The following CDH20 variants were observed in gnomAD, a reference collection of about 807,000 sequenced individuals.
The protein encoded by CDH20 is cadherin-20.
In CDH20, 29 loss-of-function variants were observed where a neutral mutation model predicts 74.2. The observed-to-expected ratio is 0.39, with a 90% CI of 0.29 to 0.53. The LOEUF (loss-of-function observed/expected upper bound fraction) is 0.53. Ranked by LOEUF, CDH20 falls within the 20% of genes least tolerant of loss-of-function variation. CDH20 has a pLI of 0.69. For missense variants in CDH20, 988 were observed against 1,048.3 expected (o/e 0.94, Z 0.79); for synonymous variants, 469 against 405.4 (o/e 1.16, Z -1.88).
At position 61,518,647 on chromosome 18, in the gene CDH20, T is replaced by G. The variant is rs572005794; in HGVS notation, c.1018-9320T>G. Among the ~76,000 whole-genome samples, 56 of 151,016 alleles carry G rather than the reference T, an allele frequency of 3.7e-4. 1 individual carries two copies. The highest frequency in any genetic ancestry group is 6.9e-4 in the Non-Finnish European group (47 of 67,936). On this transcript the variant is annotated intron_variant, in intron 6 of 11. Coordinates refer to ENST00000262717, the MANE Select transcript of CDH20 (RefSeq NM_031891.4). ...ACATCAAAGACCAAAGGTAGATAAA[T>G]CCATGAAGATGAGGAAAAAACAGCA...
chr18:61,396,984 G>A (rs1002478143), intron 1 of CDH20, among the ~76,000 whole-genome samples: 1 of 152,126 alleles, frequency 6.6e-6, no homozygotes, highest in Non-Finnish European at 1.5e-5. Flanking sequence ...ATGTTCCCGG[G>A]GACCATGAAC....
intron 1 of CDH20, among the ~76,000 whole-genome samples, chr18:61,462,623 A>T (rs182086388): frequency 3.3e-5 from 5 of 151,082 alleles, no homozygotes; most frequent in Admixed American, 2.0e-4. Context: ...AATTGAAATA[A>T]TTTTTTTTCA....
chr18:61,428,435 T>C (rs1913145227), intron 1 of CDH20, among the ~76,000 whole-genome samples: 1 of 152,180 alleles, frequency 6.6e-6, no homozygotes, highest in African/African-American at 2.4e-5. Flanking sequence ...ATCTGGTTCA[T>C]TGTGTTGACG....
chr18:61,495,282 T>A (rs1191618497), intron 2 of CDH20, among the ~76,000 whole-genome samples: 2 of 152,220 alleles, frequency 1.3e-5, no homozygotes, highest in Non-Finnish European at 2.9e-5. Flanking sequence ...TTAATGTCTG[T>A]TCTTTGCCAT....
intron 1 of CDH20, among the ~76,000 whole-genome samples, chr18:61,435,064 G>A (rs906294197): frequency 2.6e-5 from 4 of 151,994 alleles, no homozygotes; most frequent in Non-Finnish European, 4.4e-5. Context: ...AACTTTATGC[G>A]CATTCTCACT....
chr18:61,513,932 A>AT (rs1290835314), intron 6 of CDH20, among the ~76,000 whole-genome samples: 1 of 151,434 alleles, frequency 6.6e-6, no homozygotes, highest in African/African-American at 2.4e-5. Flanking sequence ...TGCCCTTAAC[A>AT]TTTTTTCCTT....
At chr18:61,356,833 A>G (rs1237356352) in intron 1 of CDH20, among the ~76,000 whole-genome samples, 5 of 152,204 alleles carry the variant, frequency 3.3e-5, no homozygotes, top group African/African-American at 1.2e-4. Flanking sequence ...GACAGAGTAC[A>G]TAAACCACTA....
intron 2 of CDH20, among the ~76,000 whole-genome samples, chr18:61,495,582 G>A (rs1013709354): frequency 2.0e-5 from 3 of 152,142 alleles, no homozygotes; most frequent in Non-Finnish European, 2.9e-5. Flanking sequence ...TGAGTCCCAG[G>A]GAACAGGGGC....
intron 1 of CDH20, among the ~76,000 whole-genome samples, chr18:61,403,751 A>T (rs900423956): frequency 6.6e-6 from 1 of 152,194 alleles, no homozygotes; most frequent in African/African-American, 2.4e-5. Context: ...CAACAATCCC[A>T]TTACTGGGCA....
At chr18:61,483,655 A>G (rs1239951518) in intron 1 of CDH20, among the ~76,000 whole-genome samples, 1 of 152,180 alleles carries the variant, frequency 6.6e-6, no homozygotes, top group Non-Finnish European at 1.5e-5. Flanking sequence ...CCTAAACTGT[A>G]AACTCCTTGA....
intron 1 of CDH20, among the ~76,000 whole-genome samples, chr18:61,450,410 T>C (rs900839986): frequency 1.3e-5 from 2 of 151,604 alleles, no homozygotes; most frequent in Admixed American, 1.3e-4. Flanking sequence ...AAAAAACTTT[T>C]TACTTTTTAC....
intron 1 of CDH20, chr18:61,404,952 C>A (rs1230526903): frequency 7.0e-6 from 5 of 710,256 alleles, no homozygotes; most frequent in Non-Finnish European, 1.3e-5. Flanking sequence ...GTATTTTCCT[C>A]ATGCTGCGCC....
intron 1 of CDH20, among the ~76,000 whole-genome samples, chr18:61,452,492 A>C (rs930820133): frequency 6.6e-6 from 1 of 152,218 alleles, no homozygotes; most frequent in African/African-American, 2.4e-5. Flanking sequence ...TTTTATAAGA[A>C]GAAAAGTATG....
chr18:61,519,207 T>C (rs947211487), intron 6 of CDH20, among the ~76,000 whole-genome samples: 3 of 151,220 alleles, frequency 2.0e-5, no homozygotes, highest in Non-Finnish European at 4.4e-5. Flanking sequence ...TTCAGGGTAT[T>C]ATCCAGGAGA....
At chr18:61,515,222 G>T (rs894895263) in intron 6 of CDH20, among the ~76,000 whole-genome samples, 21 of 152,086 alleles carry the variant, frequency 1.4e-4, no homozygotes, top group African/African-American at 4.3e-4. Flanking sequence ...TTTTAAGCCC[G>T]TCGGAAAAGC....
chr18:61,441,066 T>C lies in CDH20; in HGVS notation c.-152-49336T>C, dbSNP rs554746624. Among the ~76,000 whole-genome samples the C allele has an allele frequency of 7.2e-5, 11 of 152,300 alleles. No individual in the cohort carries two copies. The South Asian group carries it at 1.7e-3, about 23-fold the overall frequency. On this transcript the variant is annotated intron_variant, in intron 1 of 11. Transcript: ENST00000262717. Reference sequence around the variant, plus strand: ...AACAGAATATAGTGAACATTTACAGTAAATGACTGTTATTAATTGTTCTTG... The same window carrying C: ...AACAGAATATAGTGAACATTTACAGCAAATGACTGTTATTAATTGTTCTTG...
chr18:61,380,942 A>G (rs960091390), intron 1 of CDH20, among the ~76,000 whole-genome samples: 3 of 152,246 alleles, frequency 2.0e-5, no homozygotes, highest in Non-Finnish European at 4.4e-5. Context: ...TTTTGCAGAA[A>G]GCATATAGCC....
intron 1 of CDH20, among the ~76,000 whole-genome samples, chr18:61,467,956 G>A (rs972878130): frequency 2.0e-5 from 3 of 152,216 alleles, no homozygotes; most frequent in African/African-American, 4.8e-5. Context: ...AGTAGACATA[G>A]GAACTACTAT....
chr18:61,500,034 G>A (rs1170395614), intron 3 of CDH20, among the ~76,000 whole-genome samples: 1 of 145,122 alleles, frequency 6.9e-6, no homozygotes, highest in Non-Finnish European at 1.5e-5. Context: ...AACCCGGGAG[G>A]TGGAGATTTC....
Sources: allele counts gnomAD v4.1 joint callset (sites outside exome capture counted in the v4.1 genomes callset), GRCh38; gene constraint gnomAD v4.1.1; transcripts MANE v1.5; gene names NCBI Gene and HGNC (gene_info 2026-07-23, HGNC 2026-07-21).